Variants in SPON1 observed in about 807,000 individuals in gnomAD.
SPON1 encodes the protein spondin 1, also known as spondin-1.
SPON1 carries 52 observed loss-of-function variants against 111.7 expected under a neutral mutation model. The ratio of observed to expected loss-of-function variants is 0.47; its 90% CI spans 0.37 to 0.59. SPON1 has a LOEUF of 0.59. Ranked by LOEUF, SPON1 falls within the 20% of genes least tolerant of loss-of-function variation. The pLI, the probability that SPON1 is intolerant of heterozygous loss-of-function variation, is 0.00. For missense variants in SPON1, 957 were observed against 1,068.5 expected (o/e 0.90, Z 1.46); for synonymous variants, 410 against 395.8 (o/e 1.04, Z -0.43).
chr11:14,109,990 T>C (rs1404299110), intron 5 of SPON1, among the ~76,000 whole-genome samples: 1 of 152,226 alleles, frequency 6.6e-6, no homozygotes, highest in East Asian at 1.9e-4. Flanking sequence ...TATTAATCTC[T>C]CTTCCACTGA....
intron 6 of SPON1, among the ~76,000 whole-genome samples, chr11:14,176,606 C>T (rs1848178156): frequency 6.6e-6 from 1 of 152,132 alleles, no homozygotes; most frequent in South Asian, 2.1e-4. Flanking sequence ...AATCCAGACA[C>T]CCCTCAATGG....
chr11:14,172,469 A>G (rs1554932600), intron 6 of SPON1, among the ~76,000 whole-genome samples: 1 of 151,798 alleles, frequency 6.6e-6, no homozygotes, highest in Non-Finnish European at 1.5e-5. Context: ...GTGTCTTTTA[A>G]TTGGAGCATT....
intron 6 of SPON1, among the ~76,000 whole-genome samples, chr11:14,190,499 C>CTTCCTTCCTTCTTTAG (rs1463993256): frequency 6.6e-6 from 1 of 150,738 alleles, no homozygotes; most frequent in Non-Finnish European, 1.5e-5. Flanking sequence ...TCCTTCTTTA[C>CTTCCTTCCTTCTTTAG]TTCCTTCCTT....
Position 14,204,137 on chromosome 11 carries a change from C to T in SPON1, c.826-39195C>T, listed in dbSNP as rs187096026. On this transcript the variant is annotated intron_variant, in intron 6 of 15. Coordinates refer to ENST00000576479, the MANE Select transcript of SPON1 (RefSeq NM_006108.4). ...GCTGTCTAAAATCCTTGGGAGACCC[C>T]GATAACCTAGAGCTGTAGCTTTCAA... 6.6e-5 allele frequency among the ~76,000 whole-genome samples: 10 copies of T among 152,280 alleles called. No homozygotes were observed. The East Asian group carries it at 9.6e-4, about 15-fold the overall frequency.
chr11:14,265,548 C>T lies in SPON1; in HGVS notation c.2285C>T (p.Ala762Val). Residue 762 changes from alanine (A) to valine (V), a missense_variant, in exon 16 of 16, where the codon GCC becomes GTC. Ala to Val is a moderately conservative substitution (Grantham distance 64). This residue lies in a region of SPON1 where 549 missense variants were observed against 606.2 expected (regional missense o/e 0.91). Coordinates refer to ENST00000576479, the MANE Select transcript of SPON1 (RefSeq NM_006108.4). ...FPGCRMRPWT[A>V]WSECTKLCGG... ...GGTTGTAGGATGCGCCCATGGACGG[C>T]CTGGTCAGAATGCACCAAACTGTGC... 1 of 1,613,468 alleles carries T rather than the reference C, an allele frequency of 6.2e-7. No individual in the cohort carries two copies. Among genetic ancestry groups the T allele is most frequent in the Non-Finnish European group, 8.5e-7 (1 of 1,179,732 alleles).
rs370430969 is a variant in SPON1 at position 13,986,581 on chromosome 11, C to CTT, written c.345+3641_345+3642dup. ...GTTAACTATAGTCACTCTGAATATT[C>CTT]TTTTTTTTTTTTTTAAGTTCTGGGG... On this transcript the variant is annotated intron_variant, in intron 2 of 15. Transcript: ENST00000576479. Among the ~76,000 whole-genome samples, 9 of 143,404 alleles carry CTT rather than the reference C, an allele frequency of 6.3e-5. No individual in the cohort carries two copies. The South Asian group carries it at 9.0e-4, about 14-fold the overall frequency. 94.1% of individuals were successfully genotyped at this position (143,404 alleles called of 152,430 possible). A position where few individuals can be genotyped will look rare whatever the true frequency, so the allele number is the denominator to read the frequency against.
intron 6 of SPON1, among the ~76,000 whole-genome samples, chr11:14,187,827 C>T (rs1443102009): frequency 6.6e-6 from 1 of 151,292 alleles, no homozygotes; most frequent in Non-Finnish European, 1.5e-5. Flanking sequence ...TTGCCCAGGC[C>T]TGGAGTGTAA....
intron 3 of SPON1, among the ~76,000 whole-genome samples, chr11:14,071,335 C>T (rs1182371851): frequency 6.6e-6 from 1 of 152,112 alleles, no homozygotes; most frequent in African/African-American, 2.4e-5. Flanking sequence ...TGTTGGTCTT[C>T]CTCAGGGTTC....
intron 6 of SPON1, among the ~76,000 whole-genome samples, chr11:14,225,937 A>C (rs1440400866): frequency 6.6e-6 from 1 of 152,218 alleles, no homozygotes; most frequent in African/African-American, 2.4e-5. Context: ...ATAATGTCTT[A>C]GACATTGTAT....
chr11:14,204,534 C>T (rs940899509), intron 6 of SPON1, among the ~76,000 whole-genome samples: 6 of 152,018 alleles, frequency 3.9e-5, no homozygotes, highest in African/African-American at 9.7e-5. Flanking sequence ...GTGATCCTCC[C>T]GCCTCAGCTT....
chr11:14,220,105 A>C (rs77002233), intron 6 of SPON1, among the ~76,000 whole-genome samples: 1 of 137,068 alleles, frequency 7.3e-6, no homozygotes, highest in Non-Finnish European at 1.6e-5. Context: ...AAAAAAAAAA[A>C]ACTTTCCTAC....
intron 6 of SPON1, among the ~76,000 whole-genome samples, chr11:14,151,708 A>G (rs1408180881): frequency 6.6e-6 from 1 of 152,238 alleles, no homozygotes; most frequent in East Asian, 1.9e-4. Context: ...TATAAACTAT[A>G]AATCACAGTT....
intron 6 of SPON1, among the ~76,000 whole-genome samples, chr11:14,216,080 A>G (rs1031620592): frequency 1.1e-4 from 16 of 152,250 alleles, no homozygotes; most frequent in African/African-American, 2.4e-5. Flanking sequence ...GGTTAAGAAT[A>G]TCAAATGTAT....
chr11:14,235,138 T>C (rs1391604284), intron 6 of SPON1, among the ~76,000 whole-genome samples: 15 of 152,310 alleles, frequency 9.8e-5, no homozygotes, highest in Admixed American at 9.8e-4. Flanking sequence ...CGCCTCCAGC[T>C]GACACCCAGG....
At chr11:14,066,109 A>C (rs1236318563) in intron 3 of SPON1, among the ~76,000 whole-genome samples, 1 of 152,246 alleles carries the variant, frequency 6.6e-6, no homozygotes, top group African/African-American at 2.4e-5. Context: ...CCCAGGTACC[A>C]CTAATCAATT....
chr11:14,110,004 A>G (rs1849215545), intron 5 of SPON1, among the ~76,000 whole-genome samples: 1 of 152,228 alleles, frequency 6.6e-6, no homozygotes, highest in Non-Finnish European at 1.5e-5. Context: ...CCACTGAAAT[A>G]GATACATCAG....
At chr11:14,061,769 C>T (rs1484286977) in intron 3 of SPON1, among the ~76,000 whole-genome samples, 2 of 152,242 alleles carry the variant, frequency 1.3e-5, no homozygotes, top group African/African-American at 4.8e-5. Context: ...AAAGCTGGTT[C>T]TCTTCTCAGC....
At chr11:14,257,954 C>T (rs1212146047) in intron 11 of SPON1, 56 bp downstream of exon 11, 2 of 1,454,942 alleles carry the variant, frequency 1.4e-6, no homozygotes, top group Non-Finnish European at 1.8e-6. Context: ...AAGGGAGGGT[C>T]TGCCTAGCAG....
At chr11:14,239,010 G>A (rs1162927340) in intron 6 of SPON1, among the ~76,000 whole-genome samples, 1 of 152,148 alleles carries the variant, frequency 6.6e-6, no homozygotes, top group African/African-American at 2.4e-5. Flanking sequence ...TTTCATTTAA[G>A]TCTGAAGTGT....
Sources: gnomAD v4.1 joint callset for allele counts (sites outside exome capture counted in the v4.1 genomes callset) on GRCh38, gnomAD v4.1.1 for gene constraint, gnomAD v4.1.1 regional missense constraint, MANE v1.5 for transcripts, NCBI Gene and HGNC (gene_info 2026-07-23, HGNC 2026-07-21) for gene names.